ZC3H12A: variants seen among roughly 807,000 people sequenced by gnomAD.
ZC3H12A encodes the protein endoribonuclease ZC3H12A.
ZC3H12A carries 9 observed loss-of-function variants against 29.9 expected under a neutral mutation model. That is an observed-to-expected ratio of 0.30 (90% CI 0.18 to 0.53). The LOEUF (loss-of-function observed/expected upper bound fraction) is 0.53. ZC3H12A is among the 20% of genes least tolerant of loss of function. The probability of loss-of-function intolerance (pLI) is 0.96; values close to 1 mark genes in which losing one functional copy is unlikely to be tolerated. For missense variants in ZC3H12A, 617 were observed against 799.0 expected, an observed-to-expected ratio of 0.77 and a Z score of 2.75; for synonymous variants, 323 against 338.1, an observed-to-expected ratio of 0.96 and a Z score of 0.49.
chr1:37,483,770 T>G lies in ZC3H12A; in HGVS notation c.*159T>G. Reference sequence around the variant, plus strand: ...AAGGAAACCCACAAACCAAAGATACTGTAGGATTGGTTCTGGCCCATGCAG... The same window carrying G: ...AAGGAAACCCACAAACCAAAGATACGGTAGGATTGGTTCTGGCCCATGCAG... On this transcript the variant is annotated 3_prime_UTR_variant, in exon 6 of 6. Transcript: ENST00000373087. The G allele has an allele frequency of 1.0e-6, 1 of 999,012 alleles. No homozygotes were observed. 61.9% of individuals were successfully genotyped at this position (999,012 alleles called of 1,614,324 possible).
Position 37,483,189 on chromosome 1 carries a change from G to A in ZC3H12A, c.1378G>A (p.Glu460Lys). 3 of 1,613,482 alleles carry A rather than the reference G, an allele frequency of 1.9e-6. No individual in the cohort carries two copies. Among genetic ancestry groups the A allele is most frequent in the Non-Finnish European group, 2.5e-6 (3 of 1,179,904 alleles). The part of the protein sequence containing the change: ...LWGVRGGGPG[E>K]PGPPRAPYTG... ...GGGGGTTCGAGGAGGAGGCCCTGGT[G>A]AGCCGGGCCCACCCCGAGCCCCTTA... The change falls in exon 6 of 6, where the codon GAG (glutamate) becomes AAG (lysine). Residue 460 changes from glutamate (E) to lysine (K), a missense_variant. This residue lies in a region of ZC3H12A where 172 missense variants were observed against 203.1 expected (regional missense o/e 0.85). Coordinates refer to ENST00000373087, the MANE Select transcript of ZC3H12A (RefSeq NM_025079.3).
Position 37,479,746 on chromosome 1 carries a change from A to G in ZC3H12A, c.444-544A>G, listed in dbSNP as rs986357028. 17 of 985,146 alleles carry G rather than the reference A, an allele frequency of 1.7e-5. No homozygotes were observed. The African/African-American group carries it at 2.6e-4, about 15-fold the overall frequency. The allele number at this position is 985,146 out of a possible 1,614,324, so 61.0% of individuals were successfully genotyped here. A position where few individuals can be genotyped will look rare whatever the true frequency, so the allele number is the denominator to read the frequency against. On this transcript the variant is annotated intron_variant, in intron 2 of 5. Transcript: ENST00000373087. This position sits in a 1 kb window ranked among gnomAD's most constrained non-coding sequence, Gnocchi z 4.5. The stretch of plus-strand genomic sequence containing the variant: ...GTGTGAGGACTGAACTTTAATCCGG[A>G]ACAATCTGGTTTCTCCTCGGTCAGC...
chr1:37,474,890 G>C (rs1448012706), intron 1 of ZC3H12A, among the ~76,000 whole-genome samples: 1 of 152,218 alleles, frequency 6.6e-6, no homozygotes, highest in Non-Finnish European at 1.5e-5. Flanking sequence ...CTCGGGCCGG[G>C]ACAGCCTCGG....
chr1:37,482,601 T>C (rs1238131249), intron 5 of ZC3H12A, 61 bp downstream of exon 5: 3 of 1,609,432 alleles, frequency 1.9e-6, no homozygotes, highest in Non-Finnish European at 2.6e-6. Flanking sequence ...CTCACCTGTC[T>C]GCCTGTGCCC....
chr1:37,483,376 C>G lies in ZC3H12A; in HGVS notation c.1565C>G (p.Pro522Arg). ...TACTGGTCTGAACCATACCCACTGC[C>G]CCCACCCACATCAGTCCTTCAGGAG... ...REYWSEPYPL[P>R]PPTSVLQEPP... The change falls in exon 6 of 6, where the codon CCC (proline) becomes CGC (arginine). Residue 522 changes from proline (P) to arginine (R), a missense_variant. Around this residue, in one of 5 missense-constraint regions of ZC3H12A, gnomAD observed 172 missense variants for 203.1 expected, o/e 0.85. Coordinates refer to ENST00000373087, the MANE Select transcript of ZC3H12A (RefSeq NM_025079.3). 6.2e-7 allele frequency: 1 copy of G among 1,614,158 alleles called. No individual in the cohort carries two copies. Among genetic ancestry groups the G allele is most frequent in the South Asian group, 1.1e-5 (1 of 91,078 alleles).
intron 2 of ZC3H12A, 70 bp from the exon 3 acceptor site, chr1:37,480,220 C>G: frequency 1.3e-6 from 2 of 1,558,376 alleles, no homozygotes; most frequent in Non-Finnish European, 1.7e-6. Flanking sequence ...CCACCTCCCT[C>G]CTCCTGCTCA....
chr1:37,477,466 T>C (rs1329119257), intron 2 of ZC3H12A, among the ~76,000 whole-genome samples: 1 of 152,122 alleles, frequency 6.6e-6, no homozygotes, highest in African/African-American at 2.4e-5. Context: ...CAGCTGCTAC[T>C]CGGTTCCTGC....
chr1:37,480,885 C>T (rs999599018), intron 3 of ZC3H12A, among the ~76,000 whole-genome samples: 3 of 152,194 alleles, frequency 2.0e-5, no homozygotes, highest in African/African-American at 4.8e-5. Flanking sequence ...TTGCCTTCCT[C>T]GTGAGGTCAT....
Position 37,478,956 on chromosome 1 carries a change from C to T in ZC3H12A, c.444-1334C>T, listed in dbSNP as rs1641645323. 1.0e-6 allele frequency: 1 copy of T among 985,334 alleles called. No homozygotes were observed. Among genetic ancestry groups the T allele is most frequent in the South Asian group, 4.7e-5 (1 of 21,292 alleles). 61.0% of individuals were successfully genotyped at this position (985,334 alleles called of 1,614,324 possible). A position where few individuals can be genotyped will look rare whatever the true frequency, so the allele number is the denominator to read the frequency against. On this transcript the variant is annotated intron_variant, in intron 2 of 5. Coordinates refer to ENST00000373087, the MANE Select transcript of ZC3H12A (RefSeq NM_025079.3). This position sits in a 1 kb window ranked among gnomAD's most constrained non-coding sequence, Gnocchi z 5.2. ...TAGAGACCTTCAGACCCTGGTGCCC[C>T]AGTCTTGCCCCCAAATAGCCTCCAT...
At position 37,478,805 on chromosome 1, in the gene ZC3H12A, A is replaced by AT; in HGVS notation, c.444-1484dup. ...GCTGATGATTCAGTGTTAGACACTT[A>AT]TAACAGGGCCTGGTTCACAGCTCTC... On this transcript the variant is annotated intron_variant, in intron 2 of 5. Transcript: ENST00000373087. This position sits in a 1 kb window ranked among gnomAD's most constrained non-coding sequence, Gnocchi z 5.2. 1.0e-6 allele frequency: 1 copy of AT among 980,254 alleles called. No homozygotes were observed. Among genetic ancestry groups the AT allele is most frequent in the Non-Finnish European group, 1.2e-6 (1 of 825,210 alleles). 60.7% of individuals were successfully genotyped at this position (980,254 alleles called of 1,614,324 possible).
At position 37,481,675 on chromosome 1, in the gene ZC3H12A, C is replaced by T. The variant is rs565672584; in HGVS notation, c.658C>T (p.Arg220Trp). ...ACCATCACGACGCGTGGGTGGCAAG[C>T]GGGTGGTGTGCTATGACGACAGATT... Reference protein sequence around the residue: ...FTPSRRVGGKRVVCYDDRFIV... With the variant: ...FTPSRRVGGKWVVCYDDRFIV... The change falls in exon 4 of 6, where the codon CGG (arginine) becomes TGG (tryptophan). Residue 220 changes from arginine (R) to tryptophan (W), a missense_variant. Transcript: ENST00000373087. 4 of 1,614,232 alleles carry T rather than the reference C, an allele frequency of 2.5e-6. No homozygotes were observed. Among genetic ancestry groups the T allele is most frequent in the South Asian group, 1.1e-5 (1 of 91,090 alleles).
At chr1:37,481,022 C>T (rs114005171) in intron 3 of ZC3H12A, among the ~76,000 whole-genome samples, 1,702 of 152,294 alleles carry the variant, frequency 0.011, 41 homozygotes, top group African/African-American at 0.04. Context: ...GAATCAGTTT[C>T]TCTAGAAGTC....
chr1:37,474,934 C>T (rs572021524), intron 1 of ZC3H12A, among the ~76,000 whole-genome samples: 48 of 152,370 alleles, frequency 3.2e-4, no homozygotes, highest in Middle Eastern at 3.4e-3. Context: ...CCAAAGTTTT[C>T]CAGCAACTTT....
rs753906858 is a variant in ZC3H12A, at chr1:37,483,653, G to A, written c.*42G>A. 3.3e-5 allele frequency: 50 copies of A among 1,527,736 alleles called. No homozygotes were observed. The African/African-American group carries it at 5.9e-4, about 18-fold the overall frequency. The allele number at this position is 1,527,736 out of a possible 1,614,324, so 94.6% of individuals were successfully genotyped here. A position where few individuals can be genotyped will look rare whatever the true frequency, so the allele number is the denominator to read the frequency against. ...AAGGGCAGCACCCCCAGCCTCCAAG[G>A]GCCGTCAGGCTGGGCTTTGGGCCAT... On this transcript the variant is annotated 3_prime_UTR_variant, in exon 6 of 6. Transcript: ENST00000373087.
Position 37,482,957 on chromosome 1 carries a change from G to A in ZC3H12A, c.1146G>A (p.Gly382=). The A allele has an allele frequency of 1.2e-6, 2 of 1,612,948 alleles. No individual in the cohort carries two copies. Among genetic ancestry groups the A allele is most frequent in the Non-Finnish European group, 1.7e-6 (2 of 1,179,744 alleles). ...GCAGCCTGGATGGGAAGAAGCTGGGGGCCCAGGCATCCCCAGGGTCCCGCC... is the reference window on the plus strand; with the variant it reads ...GCAGCCTGGATGGGAAGAAGCTGGGAGCCCAGGCATCCCCAGGGTCCCGCC... ...EQCSLDGKKL[G]AQASPGSRQE... The change falls in exon 6 of 6, where the codon GGG becomes GGA. Residue 382 remains glycine, a synonymous_variant. Transcript: ENST00000373087.
chr1:37,481,756 C>G lies in ZC3H12A; in HGVS notation c.739C>G (p.Arg247Gly). 2 of 1,614,204 alleles carry G rather than the reference C, an allele frequency of 1.2e-6. No individual in the cohort carries two copies. Among genetic ancestry groups the G allele is most frequent in the Non-Finnish European group, 1.7e-6 (2 of 1,180,024 alleles). The change falls in exon 4 of 6, where the codon CGT becomes GGT. Residue 247 changes from arginine (R) to glycine (G), a missense_variant. By Grantham distance (125) the Arg-to-Gly change is moderately radical. Transcript: ENST00000373087. Reference sequence around the variant, plus strand: ...GATCGTGGTTTCCAACGACACATACCGTGACCTCCAAGGCGAGCGGCAGGA... The same window carrying G: ...GATCGTGGTTTCCAACGACACATACGGTGACCTCCAAGGCGAGCGGCAGGA... ...DGIVVSNDTY[R>G]DLQGERQEWK... is the part of the protein sequence containing the mutation.
In ZC3H12A at chr1:37,476,680, G is replaced by T. The variant is rs1051433215; in HGVS notation, c.443+741G>T. 6.6e-6 allele frequency among the ~76,000 whole-genome samples: 1 copy of T among 152,196 alleles called. No homozygotes were observed. The highest frequency in any genetic ancestry group is 2.4e-5 in the African/African-American group (1 of 41,452). ...CATCCCCCAGCACAGGAATGGGGTG[G>T]GGAGGTAGGGGCAGAGAGGGAAGCC... On this transcript the variant is annotated intron_variant, in intron 2 of 5. Coordinates refer to ENST00000373087, the MANE Select transcript of ZC3H12A (RefSeq NM_025079.3). The surrounding 1 kb of genome is among the most constrained non-coding windows in gnomAD (Gnocchi z 6.0).
rs756616476 is a variant in ZC3H12A at position 37,482,849 on chromosome 1, C to G, written c.1038C>G (p.Pro346=). ...GTGCCAATGCTCTCCTCTCACCCCC[C>G]AGAGCCCCAAGCAAGGACAAAAATG... ...ELRANALLSP[P]RAPSKDKNGR... The change falls in exon 6 of 6, where the codon CCC becomes CCG. Residue 346 remains proline (P), a synonymous_variant. Coordinates refer to ENST00000373087, the MANE Select transcript of ZC3H12A (RefSeq NM_025079.3). 3.1e-6 allele frequency: 5 copies of G among 1,613,910 alleles called. No homozygotes were observed. The highest frequency in any genetic ancestry group is 1.3e-5 in the African/African-American group (1 of 74,952).
chr1:37,478,941 C>T lies in ZC3H12A; in HGVS notation c.444-1349C>T. On this transcript the variant is annotated intron_variant, in intron 2 of 5. Coordinates refer to ENST00000373087, the MANE Select transcript of ZC3H12A (RefSeq NM_025079.3). This position sits in a 1 kb window ranked among gnomAD's most constrained non-coding sequence, Gnocchi z 5.2. ...GTCTCCCCTACAATTTAGAGACCTTCAGACCCTGGTGCCCCAGTCTTGCCC... is the reference window on the plus strand; with the variant it reads ...GTCTCCCCTACAATTTAGAGACCTTTAGACCCTGGTGCCCCAGTCTTGCCC... The T allele has an allele frequency of 1.0e-6, 1 of 985,282 alleles. No individual in the cohort carries two copies. Among genetic ancestry groups the T allele is most frequent in the South Asian group, 4.7e-5 (1 of 21,278 alleles). The allele number at this position is 985,282 out of a possible 1,614,324, so 61.0% of individuals were successfully genotyped here.
Sources: allele counts gnomAD v4.1 joint callset (sites outside exome capture counted in the v4.1 genomes callset), GRCh38; gene constraint gnomAD v4.1.1; regional missense constraint gnomAD v4.1.1; non-coding constraint Gnocchi (gnomAD v3.1); transcripts MANE v1.5; gene names NCBI Gene and HGNC (gene_info 2026-07-23, HGNC 2026-07-21).